The following PRKG1 variants were observed in gnomAD, a reference collection of about 807,000 sequenced individuals.
PRKG1 encodes protein kinase cGMP-dependent 1.
In PRKG1, 35 loss-of-function variants were observed where a neutral mutation model predicts 88.1. The ratio of observed to expected loss-of-function variants is 0.40; its 90% CI spans 0.30 to 0.53. The LOEUF (loss-of-function observed/expected upper bound fraction) is 0.53. Ranked by LOEUF, PRKG1 falls within the 20% of genes least tolerant of loss-of-function variation. The pLI is 0.59. For missense variants in PRKG1, 540 were observed against 839.8 expected, an observed-to-expected ratio of 0.64 and a Z score of 4.41; for synonymous variants, 303 against 292.5, an observed-to-expected ratio of 1.04 and a Z score of -0.37.
chr10:52,203,145 C>G (rs1384898240), intron 9 of PRKG1, among the ~76,000 whole-genome samples: 1 of 151,842 alleles, frequency 6.6e-6, no homozygotes, highest in Admixed American at 6.6e-5. Context: ...TTTAATGTGG[C>G]CATTTAGTGC....
At chr10:51,472,530 T>G (rs1840074588) in intron 3 of PRKG1, among the ~76,000 whole-genome samples, 1 of 151,956 alleles carries the variant, frequency 6.6e-6, no homozygotes, top group African/African-American at 2.4e-5. Flanking sequence ...ATTTTTACTG[T>G]TAATGAAAAG....
intron 9 of PRKG1, among the ~76,000 whole-genome samples, chr10:52,192,620 A>T (rs1162873389): frequency 6.6e-6 from 1 of 152,088 alleles, no homozygotes; most frequent in Non-Finnish European, 1.5e-5. Flanking sequence ...TTATTTTAGG[A>T]GGAAGTCAAG....
At chr10:52,281,244 T>C (rs1841996602) in intron 13 of PRKG1, among the ~76,000 whole-genome samples, 1 of 152,166 alleles carries the variant, frequency 6.6e-6, no homozygotes. Flanking sequence ...TTGCCATTCA[T>C]AAGCAATGGG....
At chr10:52,050,923 G>T (rs1301779734) in intron 5 of PRKG1, among the ~76,000 whole-genome samples, 1 of 152,094 alleles carries the variant, frequency 6.6e-6, no homozygotes, top group Non-Finnish European at 1.5e-5. Flanking sequence ...GTTCCCAATG[G>T]AGTAATTAGC....
intron 2 of PRKG1, among the ~76,000 whole-genome samples, chr10:51,295,553 A>G (rs915406778): frequency 1.3e-5 from 2 of 152,082 alleles, no homozygotes; most frequent in African/African-American, 4.8e-5. Flanking sequence ...AGAGTTTTCT[A>G]CATATATGAT....
intron 1 of PRKG1, among the ~76,000 whole-genome samples, chr10:51,116,041 G>A (rs1259074796): frequency 1.3e-5 from 2 of 152,236 alleles, no homozygotes; most frequent in East Asian, 3.9e-4. Flanking sequence ...TGGTGTGGTG[G>A]TGGAAAAGTA....
At chr10:52,049,384 A>C (rs914190485) in intron 5 of PRKG1, among the ~76,000 whole-genome samples, 5 of 152,158 alleles carry the variant, frequency 3.3e-5, no homozygotes, top group African/African-American at 1.2e-4. Context: ...TCTGAAACAG[A>C]ATCACAAGAG....
At chr10:51,783,083 T>G (rs1431996162) in intron 3 of PRKG1, among the ~76,000 whole-genome samples, 1 of 152,058 alleles carries the variant, frequency 6.6e-6, no homozygotes, top group Non-Finnish European at 1.5e-5. Context: ...AAGTCTCTTT[T>G]AGAAAAAAAC....
At chr10:51,453,869 C>T (rs1442120509) in intron 2 of PRKG1, among the ~76,000 whole-genome samples, 1 of 151,766 alleles carries the variant, frequency 6.6e-6, no homozygotes, top group Non-Finnish European at 1.5e-5. Context: ...TCCAAAAAGC[C>T]CTGGATATGA....
chr10:52,228,402 G>A (rs937944745), intron 9 of PRKG1, among the ~76,000 whole-genome samples: 1 of 152,286 alleles, frequency 6.6e-6, no homozygotes, highest in South Asian at 2.1e-4. Context: ...AGGAGAGGGG[G>A]TTCTTGCTCT....
chr10:51,403,972 T>A (rs958666787), intron 2 of PRKG1, among the ~76,000 whole-genome samples: 2 of 152,346 alleles, frequency 1.3e-5, no homozygotes, highest in South Asian at 4.1e-4. Context: ...CTGTTAACAC[T>A]ACTCCCTTTT....
At chr10:51,422,791 A>G (rs1347590818) in intron 2 of PRKG1, among the ~76,000 whole-genome samples, 1 of 152,020 alleles carries the variant, frequency 6.6e-6, no homozygotes. Context: ...TGCTGCTGCC[A>G]TCTAGTGGAG....
chr10:51,987,456 T>G (rs1844191154), intron 5 of PRKG1, among the ~76,000 whole-genome samples: 1 of 134,850 alleles, frequency 7.4e-6, no homozygotes, highest in Admixed American at 7.8e-5. Flanking sequence ...TTCTACTCAT[T>G]ACTTTTTTTT....
At chr10:51,579,659 G>A (rs1278539264) in intron 3 of PRKG1, among the ~76,000 whole-genome samples, 1 of 152,060 alleles carries the variant, frequency 6.6e-6, no homozygotes, top group South Asian at 2.1e-4. Flanking sequence ...GTCCTTTTCT[G>A]ATCTATTAAC....
chr10:51,751,930 A>G (rs765432001), intron 3 of PRKG1, among the ~76,000 whole-genome samples: 6 of 152,196 alleles, frequency 3.9e-5, no homozygotes, highest in Non-Finnish European at 8.8e-5. Flanking sequence ...TACTTGGATA[A>G]TAAACAAATA....
At chr10:51,994,723 TG>T (rs1844394364) in intron 5 of PRKG1, among the ~76,000 whole-genome samples, 1 of 152,216 alleles carries the variant, frequency 6.6e-6, no homozygotes, top group Non-Finnish European at 1.5e-5. Context: ...AGTGTGCTGT[TG>T]TCTCTTCATA....
At chr10:51,196,501 A>C (rs1837769744) in intron 2 of PRKG1, among the ~76,000 whole-genome samples, 1 of 152,212 alleles carries the variant, frequency 6.6e-6, no homozygotes, top group Non-Finnish European at 1.5e-5. Context: ...GATAATAAAG[A>C]AAGGAACCTA....
chr10:51,111,043 T>C (rs1369195759), intron 1 of PRKG1, among the ~76,000 whole-genome samples: 1 of 152,138 alleles, frequency 6.6e-6, no homozygotes, highest in East Asian at 1.9e-4. Context: ...TGCAGATAGA[T>C]GAAGCTGTGT....
intron 5 of PRKG1, among the ~76,000 whole-genome samples, chr10:51,985,289 C>T (rs761842508): frequency 1.3e-5 from 2 of 151,376 alleles, no homozygotes; most frequent in African/African-American, 4.9e-5. Flanking sequence ...TTGTTTCATG[C>T]GATTGACAGA....
Sources: gnomAD v4.1 joint callset for allele counts (sites outside exome capture counted in the v4.1 genomes callset) on GRCh38, gnomAD v4.1.1 for gene constraint, MANE v1.5 for transcripts, NCBI Gene and HGNC (gene_info 2026-07-23, HGNC 2026-07-21) for gene names.